The following CEP170B variants were observed in gnomAD, a reference collection of about 807,000 sequenced individuals.
CEP170B encodes the protein centrosomal protein 170B, also known as centrosomal protein of 170 kDa protein B.
In CEP170B, 55 loss-of-function variants were observed where a neutral mutation model predicts 120.6. The ratio of observed to expected loss-of-function variants is 0.46; its 90% confidence interval spans 0.37 to 0.57. CEP170B has a LOEUF of 0.57. Ranked by LOEUF, CEP170B falls within the 20% of genes least tolerant of loss-of-function variation. The pLI is 0.00. For synonymous variants in CEP170B, 1,033 were observed against 954.5 expected (o/e 1.08, Z -1.52); for missense variants, 2,212 against 2,253.3 (o/e 0.98, Z 0.37).
rs150332475 is a variant in CEP170B at position 104,867,685 on chromosome 14, G to T, written c.-27-739G>T. On this transcript the variant is annotated intron_variant, in intron 1 of 18. Transcript: ENST00000414716. The surrounding 1 kb of genome is among the most constrained non-coding windows in gnomAD (Gnocchi z 5.4). The stretch of plus-strand genomic sequence containing the variant: ...CCGTTACCTCCCAGGCTGCCACGGG[G>T]CTCCCTGCCTGTCTACACCAGCCCC... 4.6e-4 allele frequency among the ~76,000 whole-genome samples: 70 copies of T among 152,044 alleles called. No homozygotes were observed. The highest frequency in any genetic ancestry group is 3.4e-3 in the Middle Eastern group (1 of 294).
rs1896842062 is a variant in CEP170B, at chr14:104,891,189, C to T, written c.3878+1431C>T. 6.6e-6 allele frequency among the ~76,000 whole-genome samples: 1 copy of T among 152,104 alleles called. No individual in the cohort carries two copies. The highest frequency in any genetic ancestry group is 1.5e-5 in the Non-Finnish European group (1 of 68,000). On this transcript the variant is annotated intron_variant, in intron 13 of 18. Transcript: ENST00000414716. This position sits in a 1 kb window ranked among gnomAD's most constrained non-coding sequence, Gnocchi z 4.3. The stretch of plus-strand genomic sequence containing the variant: ...AAAGGTTTTCATTAGAAATGAACTC[C>T]CTCACATGGTCATTCAGTAACAGGG...
rs757354771 is a variant in CEP170B at position 104,882,702 on chromosome 14, G to A, written c.473-26G>A. The A allele has an allele frequency of 1.9e-6, 3 of 1,593,694 alleles. No homozygotes were observed. The South Asian group carries it at 3.4e-5, about 18-fold the overall frequency. ...CACACTGGGGGCCCCAGCAACACAG[G>A]GTCTGACCTCTCGCTCCCTCCACAG... On this transcript the variant is annotated intron_variant, in intron 6 of 18. Transcript: ENST00000414716.
At chr14:104,892,617 C>G (rs1270805401) in intron 13 of CEP170B, among the ~76,000 whole-genome samples, 3 of 152,246 alleles carry the variant, frequency 2.0e-5, no homozygotes, top group Non-Finnish European at 4.4e-5. Flanking sequence ...TGAGTCCCAT[C>G]CATCCCATTT....
intron 5 of CEP170B, among the ~76,000 whole-genome samples, chr14:104,879,258 G>GA (rs966301169): frequency 7.2e-5 from 11 of 152,116 alleles, no homozygotes; most frequent in African/African-American, 2.7e-4. Flanking sequence ...GGGATTTGAG[G>GA]ATCTACGTGT....
chr14:104,871,465 C>T (rs1420453727), intron 2 of CEP170B, among the ~76,000 whole-genome samples: 1 of 151,758 alleles, frequency 6.6e-6, no homozygotes, highest in Non-Finnish European at 1.5e-5. Flanking sequence ...CTCTCCGGAC[C>T]CGGCTCACAC....
rs776676223 is a variant in CEP170B, at chr14:104,886,538, G to A, written c.2299G>A (p.Asp767Asn). ...CCCCGAGCCAGGGGTGGAGCCACAG[G>A]ACAGCAGACGCAGGAGCCCCCAGGA... is the stretch of plus-strand genomic sequence containing the variant. ...RGPEPGVEPQ[D>N]SRRRSPQEGP... Residue 767 changes from aspartate to asparagine, a missense_variant, in exon 12 of 19, where the codon GAC (aspartate) becomes AAC (asparagine). Around this residue, in one of 2 missense-constraint regions of CEP170B, gnomAD observed 2,166 missense variants for 2,166.7 expected, o/e 1.00. Coordinates refer to ENST00000414716, the MANE Select transcript of CEP170B (RefSeq NM_001112726.3). The A allele has an allele frequency of 1.3e-6, 2 of 1,509,778 alleles. No individual in the cohort carries two copies. The highest frequency in any genetic ancestry group is 1.8e-6 in the Non-Finnish European group (2 of 1,132,844). The allele number at this position is 1,509,778 out of a possible 1,614,324, so 93.5% of individuals were successfully genotyped here.
rs1896589343 is a variant in CEP170B, at chr14:104,887,515, G to C, written c.3276G>C (p.Arg1092=). The C allele has an allele frequency of 6.2e-7, 1 of 1,611,502 alleles. No homozygotes were observed. The highest frequency in any genetic ancestry group is 1.3e-5 in the African/African-American group (1 of 74,946). ...PAAPPPSPAA[R]EEQSRSSASS... ...CCCCACCGCCATCCCCAGCTGCCCGGGAGGAGCAGAGCCGTAGCTCAGCCA... is the reference window on the plus strand; with the variant it reads ...CCCCACCGCCATCCCCAGCTGCCCGCGAGGAGCAGAGCCGTAGCTCAGCCA... The change falls in exon 12 of 19, where the codon CGG becomes CGC. Residue 1092 remains arginine, a synonymous_variant. Coordinates refer to ENST00000414716, the MANE Select transcript of CEP170B (RefSeq NM_001112726.3).
chr14:104,872,275 CCGTGTGTGTGCCG>C (rs1895551967), intron 2 of CEP170B, among the ~76,000 whole-genome samples: 2 of 77,618 alleles, frequency 2.6e-5, no homozygotes, highest in African/African-American at 1.1e-4. Context: ...TGTGGGTGTG[CCGTGTGTGTGCCG>C]CGTGTGTGTG....
intron 4 of CEP170B, 116 bp from the exon 5 acceptor site, chr14:104,878,327 G>T: frequency 9.6e-7 from 1 of 1,039,496 alleles, no homozygotes; most frequent in Non-Finnish European, 1.5e-6. Context: ...GAAGAAAGAG[G>T]CCCCTCCTCT....
At chr14:104,880,533 T>G in intron 6 of CEP170B, 108 bp downstream of exon 6, 1 of 1,461,770 alleles carries the variant, frequency 6.8e-7, no homozygotes, top group Non-Finnish European at 9.2e-7. Flanking sequence ...ATATACCATG[T>G]ACACCCATAC....
intron 6 of CEP170B, among the ~76,000 whole-genome samples, chr14:104,880,935 CCCTGTGCACACCTA>C (rs1323132457): frequency 2.0e-5 from 3 of 152,172 alleles, no homozygotes; most frequent in Admixed American, 2.0e-4. Flanking sequence ...CACTGCTCAC[CCCTGTGCACACCTA>C]CCTGTGCACG....
rs1255913649 is a variant in CEP170B, at chr14:104,894,785, C to T, written c.4492C>T (p.Gln1498Ter). The change falls in exon 19 of 19, where the codon CAG becomes TAG. Residue 1498 changes from glutamine (Q) to a stop codon, truncating the protein, a stop_gained. Transcript: ENST00000414716. LOFTEE classifies it low-confidence loss of function (END_TRUNC). ...AAACAGGAGCTTGGCCAGCTCTGCA[C>T]AGCCGGGGCTGGGGAAGGGCCGCGT... ...TGNRSLASSA[Q>*]PGLGKGRVAA... 3 of 1,606,946 alleles carry T rather than the reference C, an allele frequency of 1.9e-6. No homozygotes were observed. Among genetic ancestry groups the T allele is most frequent in the African/African-American group, 1.3e-5 (1 of 74,912 alleles).
intron 1 of CEP170B, among the ~76,000 whole-genome samples, chr14:104,866,021 T>C (rs1039523147): frequency 6.6e-6 from 1 of 152,206 alleles, no homozygotes; most frequent in Admixed American, 6.5e-5. Flanking sequence ...TGCCCTTCCC[T>C]GCCCTGGGCC....
At chr14:104,882,063 C>T (rs1896184753) in intron 6 of CEP170B, among the ~76,000 whole-genome samples, 2 of 152,130 alleles carry the variant, frequency 1.3e-5, no homozygotes, top group African/African-American at 2.4e-5. Context: ...TGAGGGCCAG[C>T]GCCCTGACCT....
chr14:104,884,648 G>A, intron 9 of CEP170B, 99 bp downstream of exon 9: 5 of 1,098,314 alleles, frequency 4.6e-6, no homozygotes, highest in Non-Finnish European at 6.3e-6. Context: ...ACGGGGGGTG[G>A]AGGCGATGCC....
chr14:104,889,208 C>T (rs1161676274), intron 12 of CEP170B, among the ~76,000 whole-genome samples: 1 of 152,172 alleles, frequency 6.6e-6, no homozygotes, highest in African/African-American at 2.4e-5. Context: ...TCAGGCACTG[C>T]TTTCCCACCA....
At chr14:104,882,408 T>C (rs1004086720) in intron 6 of CEP170B, among the ~76,000 whole-genome samples, 3 of 151,662 alleles carry the variant, frequency 2.0e-5, no homozygotes, top group African/African-American at 7.3e-5. Flanking sequence ...GCCCCCACCA[T>C]GCCCCAGGGG....
At chr14:104,877,368 C>T (rs1362689419) in intron 3 of CEP170B, among the ~76,000 whole-genome samples, 1 of 152,196 alleles carries the variant, frequency 6.6e-6, no homozygotes. Flanking sequence ...CTTCTGAGGC[C>T]TGTGATGCCC....
In CEP170B at chr14:104,883,528, C is replaced by T; in HGVS notation, c.1051+20C>T. ...TGAAGGGTGAGTGCCCAGCTGGCGGCCGTGCCAGTCCCGGGACAGGCAGGG... is the reference window on the plus strand; with the variant it reads ...TGAAGGGTGAGTGCCCAGCTGGCGGTCGTGCCAGTCCCGGGACAGGCAGGG... On this transcript the variant is annotated intron_variant, in intron 8 of 18. Transcript: ENST00000414716. 2 of 1,517,428 alleles carry T rather than the reference C, an allele frequency of 1.3e-6. No individual in the cohort carries two copies. The highest frequency in any genetic ancestry group is 8.9e-7 in the Non-Finnish European group (1 of 1,127,748). 94.0% of individuals were successfully genotyped at this position (1,517,428 alleles called of 1,614,324 possible).
Sources: gnomAD v4.1 joint callset for allele counts (sites outside exome capture counted in the v4.1 genomes callset) on GRCh38, gnomAD v4.1.1 for gene constraint, gnomAD v4.1.1 regional missense constraint, Gnocchi (gnomAD v3.1) non-coding constraint, MANE v1.5 for transcripts, NCBI Gene and HGNC (gene_info 2026-07-23, HGNC 2026-07-21) for gene names.